Variants in AKT3 observed in about 807,000 individuals in gnomAD.
The protein encoded by AKT3 is AKT serine/threonine kinase 3.
In AKT3, 15 loss-of-function variants were observed where a neutral mutation model predicts 65.3. The observed-to-expected ratio is 0.23, with a 90% CI of 0.15 to 0.35. The LOEUF (loss-of-function observed/expected upper bound fraction) is 0.35, where lower values mean the gene tolerates loss of function less well. Among genes scored for constraint, AKT3 ranks in the 10% least tolerant of loss-of-function variants. The pLI is 1.00. For synonymous variants in AKT3, 206 were observed against 183.8 expected (o/e 1.12, Z -0.98); for missense variants, 243 against 576.5 (o/e 0.42, Z 5.92).
intron 9 of AKT3, among the ~76,000 whole-genome samples, chr1:243,566,216 T>C (rs1674145858): frequency 6.6e-6 from 1 of 152,152 alleles, no homozygotes; most frequent in Non-Finnish European, 1.5e-5. Context: ...GTGTGTAAAA[T>C]TCTGACTTGC....
At chr1:243,525,236 T>C (rs1431474823) in intron 12 of AKT3, among the ~76,000 whole-genome samples, 3 of 152,144 alleles carry the variant, frequency 2.0e-5, no homozygotes, top group Non-Finnish European at 4.4e-5. Context: ...GCGTTTGCAG[T>C]TTGAGTTCAT....
intron 9 of AKT3, 128 bp from the exon 10 acceptor site, chr1:243,563,976 G>T: frequency 1.3e-6 from 1 of 760,724 alleles, no homozygotes; most frequent in Non-Finnish European, 2.0e-6. Context: ...CTAATAGAAC[G>T]CTCAGTACTT....
intron 8 of AKT3, among the ~76,000 whole-genome samples, chr1:243,586,163 A>T (rs984313041): frequency 8.5e-5 from 13 of 152,208 alleles, no homozygotes; most frequent in Non-Finnish European, 1.8e-4. Context: ...TGTAAATCAA[A>T]ACCACAATGA....
chr1:243,657,139 T>C (rs915465556), intron 4 of AKT3, among the ~76,000 whole-genome samples: 1 of 152,150 alleles, frequency 6.6e-6, no homozygotes, highest in Admixed American at 6.6e-5. Flanking sequence ...ATAGAACTCA[T>C]AGATTAAATT....
intron 2 of AKT3, among the ~76,000 whole-genome samples, chr1:243,711,427 ATT>A (rs1686151646): frequency 6.6e-6 from 1 of 152,166 alleles, no homozygotes; most frequent in Non-Finnish European, 1.5e-5. Context: ...TTTTCTTTAT[ATT>A]TTCTTTAAAT....
At position 243,809,309 on chromosome 1, in the gene AKT3, T is replaced by C. The variant is rs544655015; in HGVS notation, c.46+33816A>G. Among the ~76,000 whole-genome samples the C allele has an allele frequency of 2.6e-5, 4 of 152,120 alleles. No individual in the cohort carries two copies. In the East Asian group the frequency reaches 5.8e-4, roughly 22 times the overall value. ...CCCATCTCATGTGCGGAGACACACATAGGCTCAAAATAAAGGGATGGAGGA... is the reference window on the plus strand; with the variant it reads ...CCCATCTCATGTGCGGAGACACACACAGGCTCAAAATAAAGGGATGGAGGA... On this transcript the variant is annotated intron_variant, in intron 2 of 13. Coordinates refer to ENST00000673466, the MANE Select transcript of AKT3 (RefSeq NM_005465.7).
chr1:243,708,580 T>C (rs1685954155), intron 2 of AKT3, among the ~76,000 whole-genome samples: 4 of 151,968 alleles, frequency 2.6e-5, no homozygotes. Flanking sequence ...TCCAGTGACT[T>C]TGAAAGGAAA....
chr1:243,611,085 G>T (rs563686274), intron 8 of AKT3, among the ~76,000 whole-genome samples: 9 of 152,196 alleles, frequency 5.9e-5, no homozygotes, highest in African/African-American at 2.2e-4. Flanking sequence ...TTTAAATTTT[G>T]ATAGATACTG....
intron 8 of AKT3, among the ~76,000 whole-genome samples, chr1:243,607,602 C>G (rs1489732009): frequency 6.6e-6 from 1 of 152,180 alleles, no homozygotes; most frequent in Non-Finnish European, 1.5e-5. Flanking sequence ...TGCCTTGTCT[C>G]AGATGAGACT....
At chr1:243,745,894 A>T (rs1412989889) in intron 2 of AKT3, among the ~76,000 whole-genome samples, 1 of 152,226 alleles carries the variant, frequency 6.6e-6, no homozygotes, top group Non-Finnish European at 1.5e-5. Context: ...ACACATAATT[A>T]TATAAAGTGA....
At position 243,641,214 on chromosome 1, in the gene AKT3, G is replaced by A. The variant is rs552971952; in HGVS notation, c.430-3472C>T. On this transcript the variant is annotated intron_variant, in intron 5 of 13. Coordinates refer to ENST00000673466, the MANE Select transcript of AKT3 (RefSeq NM_005465.7). ...TGGCCTATTGTGGAACCTTGTGATC[G>A]TGTGTTTAATACTCCTTAATAAACT... Among the ~76,000 whole-genome samples, 24 of 149,404 alleles carry A rather than the reference G, an allele frequency of 1.6e-4. No homozygotes were observed. In the South Asian group the frequency reaches 2.3e-3, roughly 14 times the overall value.
intron 5 of AKT3, among the ~76,000 whole-genome samples, chr1:243,639,467 ATACAG>A (rs1680214922): frequency 6.6e-6 from 1 of 152,198 alleles, no homozygotes; most frequent in Non-Finnish European, 1.5e-5. Flanking sequence ...GTAAAACAGG[ATACAG>A]TAAAGAAGCC....
At chr1:243,749,714 A>C (rs1688683455) in intron 2 of AKT3, among the ~76,000 whole-genome samples, 1 of 152,148 alleles carries the variant, frequency 6.6e-6, no homozygotes, top group Non-Finnish European at 1.5e-5. Context: ...TCCAAAAATC[A>C]TCTTTCTTTG....
chr1:243,680,245 C>A (rs139264542), intron 3 of AKT3, among the ~76,000 whole-genome samples: 1 of 152,208 alleles, frequency 6.6e-6, no homozygotes, highest in East Asian at 1.9e-4. Context: ...ACTGAGACTT[C>A]ATAGTTGGAA....
chr1:243,593,233 C>T lies in AKT3; in HGVS notation c.697-20185G>A, dbSNP rs538844027. On this transcript the variant is annotated intron_variant, in intron 8 of 13. Transcript: ENST00000673466. ...GAACTATTACATGAAAAGATGAGTACAGATCAATATCCCTCAAAATCATAG... is the reference window on the plus strand; with the variant it reads ...GAACTATTACATGAAAAGATGAGTATAGATCAATATCCCTCAAAATCATAG... Among the ~76,000 whole-genome samples, 5 of 152,270 alleles carry T rather than the reference C, an allele frequency of 3.3e-5. No individual in the cohort carries two copies. In the East Asian group the frequency reaches 7.7e-4, roughly 23 times the overall value.
At chr1:243,586,983 T>A (rs147087506) in intron 8 of AKT3, among the ~76,000 whole-genome samples, 126 of 152,180 alleles carry the variant, frequency 8.3e-4, no homozygotes, top group African/African-American at 2.7e-3. Context: ...TTATAACATG[T>A]GACAAAGCTC....
chr1:243,612,276 A>G (rs1437738595), intron 8 of AKT3, among the ~76,000 whole-genome samples: 1 of 151,816 alleles, frequency 6.6e-6, no homozygotes, highest in East Asian at 1.9e-4. Context: ...CACCATGTCC[A>G]GGTAATTTTT....
rs141109462 is a variant in AKT3, at chr1:243,828,973, T to C, written c.46+14152A>G. Among the ~76,000 whole-genome samples, 234 of 152,316 alleles carry C rather than the reference T, an allele frequency of 1.5e-3. 1 individual carries two copies. The highest frequency in any genetic ancestry group is 5.4e-3 in the African/African-American group (226 of 41,580). ...TAAATCTCCAAGACATAGTAAGTGA[T>C]TACGGTATCATTTATGTAATGTGAG... On this transcript the variant is annotated intron_variant, in intron 2 of 13. Transcript: ENST00000673466.
chr1:243,626,568 G>T (rs187943647), intron 6 of AKT3, among the ~76,000 whole-genome samples: 9 of 152,230 alleles, frequency 5.9e-5, no homozygotes, highest in African/African-American at 1.9e-4. Flanking sequence ...CAGAACCAGG[G>T]CTTTCTTTTA....
Sources: gnomAD v4.1 joint callset for allele counts (sites outside exome capture counted in the v4.1 genomes callset) on GRCh38, gnomAD v4.1.1 for gene constraint, MANE v1.5 for transcripts, NCBI Gene and HGNC (gene_info 2026-07-23, HGNC 2026-07-21) for gene names.